The following TAF7L variants were observed in gnomAD, a reference collection of about 807,000 sequenced individuals.
TAF7L encodes transcription initiation factor TFIID subunit 7-like.
In TAF7L, 6 loss-of-function variants were observed where a neutral mutation model predicts 30.2. That is an observed-to-expected ratio of 0.20 (90% CI 0.11 to 0.39). The LOEUF is 0.39. TAF7L is among the 10% of genes least tolerant of loss of function. The pLI, the probability that TAF7L is intolerant of heterozygous loss-of-function variation, is 1.00. For missense variants in TAF7L, 284 were observed against 277.1 expected, an observed-to-expected ratio of 1.03 and a Z score of -0.18; for synonymous variants, 93 against 94.5, an observed-to-expected ratio of 0.98 and a Z score of 0.09.
upstream of TAF7L, chrX:101,292,764 G>T: frequency 8.4e-7 from 1 of 1,197,259 alleles, no homozygotes; most frequent in South Asian, 1.8e-5. Flanking sequence ...CCTCGGCTGG[G>T]GGAACAAGCT....
intron 5 of TAF7L, among the ~76,000 whole-genome samples, 159 bp downstream of exon 5, chrX:101,282,168 G>A (rs1432568462): frequency 9.0e-6 from 1 of 111,445 alleles, no homozygotes; most frequent in East Asian, 2.8e-4. Flanking sequence ...TTACAAGCGT[G>A]AGCCACCGCG....
intron 10 of TAF7L, 96 bp downstream of exon 10, chrX:101,276,211 C>G: frequency 8.4e-7 from 1 of 1,186,860 alleles, no homozygotes; most frequent in Non-Finnish European, 1.1e-6. Flanking sequence ...GAAGCGATAA[C>G]TTCTTGAGCT....
At chrX:101,276,643 T>A in intron 9 of TAF7L, 115 bp from the exon 10 acceptor site, 1 of 769,764 alleles carries the variant, frequency 1.3e-6, no homozygotes, top group Non-Finnish European at 1.9e-6. Context: ...ATTTTATAAA[T>A]CATTTTTTCA....
At chrX:101,281,885 C>CTT (rs150397187) in intron 5 of TAF7L, 110 bp from the exon 6 acceptor site, 823 of 436,914 alleles carry the variant, frequency 1.9e-3, no homozygotes, top group South Asian at 2.5e-3. Context: ...GACATCACTC[C>CTT]TTTTTTTTTT....
chrX:101,280,134 C>A (rs1313154803), intron 6 of TAF7L, among the ~76,000 whole-genome samples: 5 of 109,181 alleles, frequency 4.6e-5, no homozygotes, highest in Admixed American at 3.0e-4. Flanking sequence ...AGATCGTTTT[C>A]AAAAAAATCA....
At chrX:101,272,573 A>C (rs1357169892) in intron 12 of TAF7L, among the ~76,000 whole-genome samples, 1 of 111,745 alleles carries the variant, frequency 8.9e-6, no homozygotes, top group Non-Finnish European at 1.9e-5. Context: ...AATAACTAGA[A>C]TAGGCAGTAG....
chrX:101,285,509 A>G (rs1227790576), intron 3 of TAF7L, among the ~76,000 whole-genome samples: 1 of 107,747 alleles, frequency 9.3e-6, no homozygotes, highest in Non-Finnish European at 1.9e-5. Context: ...AAAAAAAAAA[A>G]AAAAAAAAAA....
At chrX:101,269,922 G>A (rs1334583457) in intron 12 of TAF7L, among the ~76,000 whole-genome samples, 1 of 112,156 alleles carries the variant, frequency 8.9e-6, no homozygotes, top group African/African-American at 3.2e-5. Context: ...GGGCAAAGGA[G>A]ATGGGATCTC....
In TAF7L at chrX:101,290,840, T is replaced by C. The variant is rs144826421; in HGVS notation, c.-3+384A>G. 4.8e-3 allele frequency among the ~76,000 whole-genome samples: 539 copies of C among 111,658 alleles called. 3 individuals are homozygous for C. The highest frequency in any genetic ancestry group is 0.017 in the African/African-American group (512 of 30,738). ...ACAGGACCCCTTACTACCATTCACC[T>C]CTAGTTCCATCTCGCTTTAGCAGAA... On this transcript the variant is annotated intron_variant, in intron 1 of 12. Coordinates refer to ENST00000356784, the MANE Select transcript of TAF7L (RefSeq NM_001168474.2).
intron 8 of TAF7L, 64 bp downstream of exon 8, chrX:101,277,985 G>A: frequency 9.9e-7 from 1 of 1,008,976 alleles, no homozygotes; most frequent in East Asian, 3.0e-5. Flanking sequence ...CAGAGGTGAG[G>A]CTTCGTCAGC....
In TAF7L at chrX:101,270,191, C is replaced by CA. The variant is rs1386703454; in HGVS notation, c.1087-955dup. Among the ~76,000 whole-genome samples the CA allele has an allele frequency of 5.4e-5, 6 of 111,949 alleles. No individual in the cohort carries two copies. In the East Asian group the frequency reaches 1.7e-3, roughly 31 times the overall value. On this transcript the variant is annotated intron_variant, in intron 12 of 12. Transcript: ENST00000356784. ...AAATGGTAAAGTGACCAATAACATT[C>CA]AGAGATGTATGCCATCTTTACAACA...
chrX:101,279,003 G>C lies in TAF7L; in HGVS notation c.495C>G (p.Ser165Arg), dbSNP rs1176387185. The C allele has an allele frequency of 8.3e-7, 1 of 1,206,647 alleles. No homozygotes were observed. The highest frequency in any genetic ancestry group is 3.0e-5 in the East Asian group (1 of 33,737). The change falls in exon 7 of 13, where the codon AGC becomes AGG. Residue 165 changes from serine (S) to arginine (R), a missense_variant. Transcript: ENST00000356784. ...VPDVKEMEKS[S>R]FTEYIESPDV... The stretch of plus-strand genomic sequence containing the variant: ...ATTATGATTGCTCTACCTCAGTAAA[G>C]CTGCTTTTTTCCATTTCTTTGACAT...
rs1236887815 is a variant in TAF7L, at chrX:101,275,222, C to T, written c.1086G>A (p.Lys362=). 1 of 1,173,537 alleles carries T rather than the reference C, an allele frequency of 8.5e-7. No homozygotes were observed. The highest frequency in any genetic ancestry group is 1.2e-6 in the Non-Finnish European group (1 of 869,481). ...GTTAATTTGAAAACATACTTCTTAC[C>T]TTCTCATTTTTTTGTTTTTCCTGTA... is the stretch of plus-strand genomic sequence containing the variant. ...LELQEKQKNE[K]LISLQEQLQR... is the part of the protein sequence containing the mutation. Residue 362 remains lysine (K), a splice_region_variant and synonymous_variant, in exon 12 of 13, where the codon AAG becomes AAA. Transcript: ENST00000356784.
chrX:101,286,756 A>G, intron 2 of TAF7L, 103 bp from the exon 3 acceptor site: 1 of 550,932 alleles, frequency 1.8e-6, no homozygotes, highest in Non-Finnish European at 2.9e-6. Context: ...AAAACTTTAC[A>G]CCTCCCAAAT....
intron 12 of TAF7L, among the ~76,000 whole-genome samples, chrX:101,272,394 CA>C (rs1451811497): frequency 1.3e-4 from 14 of 111,640 alleles, no homozygotes; most frequent in Non-Finnish European, 2.3e-4. Flanking sequence ...TGTCCATCAG[CA>C]GATGAATGAA....
At chrX:101,277,910 C>T in intron 8 of TAF7L, 139 bp downstream of exon 8, 1 of 570,326 alleles carries the variant, frequency 1.8e-6, no homozygotes, top group Non-Finnish European at 2.9e-6. Flanking sequence ...CATGAATTTA[C>T]TGTTCCTAGC....
rs1325808506 is a variant in TAF7L at position 101,282,342 on chromosome X, C to A, written c.391G>T (p.Val131Phe). The change falls in exon 5 of 13, where the codon GTC (valine) becomes TTC (phenylalanine). Residue 131 changes from valine to phenylalanine, a missense_variant. Coordinates refer to ENST00000356784, the MANE Select transcript of TAF7L (RefSeq NM_001168474.2). ...GGTGACTTACTGCCATGCTTCCAGA[C>A]ACATTTTTCTTCTCTCCCCCTTTCT... ...KKERGREEKC[V>F]WKHGITPPLK... 3 of 1,211,460 alleles carry A rather than the reference C, an allele frequency of 2.5e-6. No homozygotes were observed. Among genetic ancestry groups the A allele is most frequent in the African/African-American group, 3.5e-5 (2 of 57,782 alleles).
At chrX:101,280,378 T>C (rs1420189192) in intron 6 of TAF7L, among the ~76,000 whole-genome samples, 1 of 111,789 alleles carries the variant, frequency 8.9e-6, no homozygotes, top group East Asian at 2.8e-4. Flanking sequence ...AGATGGCACA[T>C]GAGATGCTCA....
intron 7 of TAF7L, among the ~76,000 whole-genome samples, chrX:101,278,445 A>G (rs1203202914): frequency 8.9e-6 from 1 of 112,388 alleles, no homozygotes; most frequent in Non-Finnish European, 1.9e-5. Context: ...CTCCTGATTT[A>G]TATTGGCAAA....
Sources: gnomAD v4.1 joint callset for allele counts (sites outside exome capture counted in the v4.1 genomes callset) on GRCh38, gnomAD v4.1.1 for gene constraint, MANE v1.5 for transcripts, NCBI Gene and HGNC (gene_info 2026-07-23, HGNC 2026-07-21) for gene names.